The following IPO7 variants were observed in gnomAD, a reference collection of about 807,000 sequenced individuals.
IPO7 encodes importin 7.
A neutral mutation model predicts 136.4 loss-of-function variants in IPO7; 13 were observed. The ratio of observed to expected loss-of-function variants is 0.10; its 90% CI spans 0.06 to 0.15. The LOEUF is 0.15. Ranked by LOEUF, IPO7 falls within the 10% of genes least tolerant of loss-of-function variation. The pLI is 1.00. For synonymous variants in IPO7, 403 were observed against 404.4 expected, an observed-to-expected ratio of 1.00 and a Z score of 0.04; for missense variants, 857 against 1,240.6, an observed-to-expected ratio of 0.69 and a Z score of 4.65.
At chr11:9,438,928 G>T (rs1041246265) in intron 22 of IPO7, among the ~76,000 whole-genome samples, 1 of 131,214 alleles carries the variant, frequency 7.6e-6, no homozygotes, top group Non-Finnish European at 1.8e-5. Flanking sequence ...AAATAATTAT[G>T]TATATAATAA....
At position 9,404,645 on chromosome 11, in the gene IPO7, A is replaced by C. The variant is rs1381237830; in HGVS notation, c.166+1274A>C. Among the ~76,000 whole-genome samples, 3 of 142,868 alleles carry C rather than the reference A, an allele frequency of 2.1e-5. No individual in the cohort carries two copies. The East Asian group carries it at 6.4e-4, about 31-fold the overall frequency. The allele number at this position is 142,868 out of a possible 152,430, so 93.7% of individuals were successfully genotyped here. On this transcript the variant is annotated intron_variant, in intron 2 of 24. Transcript: ENST00000379719. ...CGGTGGCGCGATTTCCGCTCACTGCAAGCTCCGCCTCCCGTGTTCACGCCG... is the reference window on the plus strand; with the variant it reads ...CGGTGGCGCGATTTCCGCTCACTGCCAGCTCCGCCTCCCGTGTTCACGCCG...
At chr11:9,434,645 T>C (rs1034905598) in intron 18 of IPO7, among the ~76,000 whole-genome samples, 7 of 152,096 alleles carry the variant, frequency 4.6e-5, no homozygotes, top group African/African-American at 1.7e-4. Flanking sequence ...TTTTAAAAAT[T>C]AATCAGGCGA....
chr11:9,438,362 C>G (rs1393324152), intron 22 of IPO7, 77 bp downstream of exon 22: 2 of 918,432 alleles, frequency 2.2e-6, no homozygotes, highest in Non-Finnish European at 3.4e-6. Context: ...CGCAGTGGCT[C>G]AGGCCTGTAA....
chr11:9,421,110 T>C (rs1323157945), intron 8 of IPO7, among the ~76,000 whole-genome samples: 1 of 151,860 alleles, frequency 6.6e-6, no homozygotes, highest in African/African-American at 2.4e-5. Context: ...TATAGGCATG[T>C]GCCACCACAC....
chr11:9,429,429 C>G (rs1855261383), intron 14 of IPO7, among the ~76,000 whole-genome samples: 1 of 151,788 alleles, frequency 6.6e-6, no homozygotes, highest in Non-Finnish European at 1.5e-5. Flanking sequence ...TCACTAGAGC[C>G]CGACGGTTCG....
At chr11:9,403,023 A>G (rs75249513) in intron 1 of IPO7, 1 of 358,936 alleles carries the variant, frequency 2.8e-6, no homozygotes, top group Non-Finnish European at 5.1e-6. Flanking sequence ...CTCTGTCTCA[A>G]AAATTAAAGA....
intron 12 of IPO7, among the ~76,000 whole-genome samples, chr11:9,426,066 T>G (rs114846224): frequency 6.6e-6 from 1 of 151,870 alleles, no homozygotes; most frequent in African/African-American, 2.4e-5. Context: ...AATAAAAAAA[T>G]AAAAAATAAC....
chr11:9,429,752 A>C lies in IPO7; in HGVS notation c.1670A>C (p.Asp557Ala), dbSNP rs1245099151. 6.2e-7 allele frequency: 1 copy of C among 1,604,708 alleles called. No individual in the cohort carries two copies. Among genetic ancestry groups the C allele is most frequent in the South Asian group, 1.1e-5 (1 of 90,572 alleles). ...LHIIRETENDDLTNVIQKMIC... is the reference protein window; with the variant it reads ...LHIIRETENDALTNVIQKMIC... ...ATTATAAGAGAAACAGAAAATGATG[A>C]CCTTACCAATGTAATTCAGAAAATG... Residue 557 changes from aspartate to alanine, a missense_variant, in exon 15 of 25, where the codon GAC (aspartate) becomes GCC (alanine). Coordinates refer to ENST00000379719, the MANE Select transcript of IPO7 (RefSeq NM_006391.3).
intron 5 of IPO7, 160 bp downstream of exon 5, chr11:9,414,571 C>A: frequency 3.5e-6 from 1 of 288,104 alleles, no homozygotes; most frequent in Admixed American, 5.6e-5. Context: ...AATTATAAGT[C>A]TAAACAAGCA....
intron 16 of IPO7, among the ~76,000 whole-genome samples, chr11:9,431,772 G>A (rs1164117800): frequency 1.3e-5 from 2 of 152,032 alleles, no homozygotes; most frequent in South Asian, 2.1e-4. Flanking sequence ...TCAGGAGTTC[G>A]AGACCAGCCT....
At chr11:9,416,678 A>G (rs1212124528) in intron 5 of IPO7, among the ~76,000 whole-genome samples, 1 of 152,264 alleles carries the variant, frequency 6.6e-6, no homozygotes, top group Non-Finnish European at 1.5e-5. Context: ...ACGTTAAAAT[A>G]GAGACCTGTA....
intron 18 of IPO7, 114 bp downstream of exon 18, chr11:9,433,960 G>C: frequency 9.3e-7 from 1 of 1,075,474 alleles, no homozygotes; most frequent in Non-Finnish European, 1.3e-6. Flanking sequence ...TTTTGCTCTT[G>C]TTGCCCAGGC....
chr11:9,403,762 A>C (rs1358647751), intron 2 of IPO7, among the ~76,000 whole-genome samples: 1 of 152,248 alleles, frequency 6.6e-6, no homozygotes, highest in African/African-American at 2.4e-5. Flanking sequence ...CCTGTTCAAC[A>C]TATTGAGCCA....
intron 5 of IPO7, chr11:9,414,657 C>T (rs1276198716): frequency 1.2e-4 from 17 of 142,860 alleles, no homozygotes; most frequent in Admixed American, 9.0e-4. Flanking sequence ...GAGACTGTCT[C>T]GTTCTGTCGC....
Position 9,384,681 on chromosome 11 carries a change from C to T in IPO7, c.-83C>T, listed in dbSNP as rs1006718139. 8.6e-6 allele frequency: 10 copies of T among 1,161,998 alleles called. No homozygotes were observed. Among genetic ancestry groups the T allele is most frequent in the Middle Eastern group, 2.3e-4 (1 of 4,376 alleles). 72.0% of individuals were successfully genotyped at this position (1,161,998 alleles called of 1,614,324 possible). ...TCGCGCCGGTTGCCGCTGCGGAGCGCGGCGGGTCCATGTGCGCAGTGAGTG... is the reference window on the plus strand; with the variant it reads ...TCGCGCCGGTTGCCGCTGCGGAGCGTGGCGGGTCCATGTGCGCAGTGAGTG... On this transcript the variant is annotated 5_prime_UTR_variant, in exon 1 of 25. Transcript: ENST00000379719.
rs776540950 is a variant in IPO7, at chr11:9,437,873, A to T, written c.2388A>T (p.Leu796=). The part of the protein sequence containing the change: ...AIAALYYNPH[L]LLNTLENLRF... ...CAGCTTTGTATTATAATCCACACCT[A>T]CTACTCAATACCTTAGAAAATCTTC... Residue 796 remains leucine (L), a synonymous_variant, in exon 21 of 25, where the codon CTA becomes CTT. Transcript: ENST00000379719. 3 of 1,613,558 alleles carry T rather than the reference A, an allele frequency of 1.9e-6. No homozygotes were observed. The South Asian group carries it at 3.3e-5, about 18-fold the overall frequency.
chr11:9,428,471 A>G (rs1855244400), intron 12 of IPO7, 69 bp from the exon 13 acceptor site: 1 of 674,266 alleles, frequency 1.5e-6, no homozygotes, highest in African/African-American at 1.8e-5. Flanking sequence ...TAATAGTGTT[A>G]TATCTGTTTG....
In IPO7 at chr11:9,384,770, C is replaced by A; in HGVS notation, c.7C>A (p.Pro3Thr). ...TGACCGAGTCCGCGCTGCGATGGACCCCAACACCATTATCGAGGCCCTGCG... is the reference window on the plus strand; with the variant it reads ...TGACCGAGTCCGCGCTGCGATGGACACCAACACCATTATCGAGGCCCTGCG... MD[P>T]NTIIEALRGT... Residue 3 changes from proline to threonine, a missense_variant, in exon 1 of 25, where the codon CCC becomes ACC. By Grantham distance (38) the Pro-to-Thr change is conservative. Around this residue, in one of 11 missense-constraint regions of IPO7, gnomAD observed 49 missense variants for 59.9 expected, o/e 0.82. Coordinates refer to ENST00000379719, the MANE Select transcript of IPO7 (RefSeq NM_006391.3). 1 of 1,604,252 alleles carries A rather than the reference C, an allele frequency of 6.2e-7. No individual in the cohort carries two copies. Among genetic ancestry groups the A allele is most frequent in the Admixed American group, 1.7e-5 (1 of 59,100 alleles).
rs374264509 is a variant in IPO7, at chr11:9,445,086, T to G, written c.3020-11T>G. On this transcript the variant is annotated splice_polypyrimidine_tract_variant and intron_variant, in intron 24 of 24. Transcript: ENST00000379719. ...ATTGAATGCCCTACTAAAATTTTAT[T>G]TGTTTTCTAGAATCCAAAATGATTG... is the stretch of plus-strand genomic sequence containing the variant. The G allele has an allele frequency of 6.3e-7, 1 of 1,581,642 alleles. No homozygotes were observed. Among genetic ancestry groups the G allele is most frequent in the Non-Finnish European group, 8.7e-7 (1 of 1,150,758 alleles).
Sources: gnomAD v4.1 joint callset for allele counts (sites outside exome capture counted in the v4.1 genomes callset) on GRCh38, gnomAD v4.1.1 for gene constraint, gnomAD v4.1.1 regional missense constraint, MANE v1.5 for transcripts, NCBI Gene and HGNC (gene_info 2026-07-23, HGNC 2026-07-21) for gene names.